PLA2G4A: variants seen among roughly 807,000 people sequenced by gnomAD.
The protein encoded by PLA2G4A is cytosolic phospholipase A2.
PLA2G4A carries 40 observed loss-of-function variants against 81.9 expected under a neutral mutation model. The ratio of observed to expected loss-of-function variants is 0.49; its 90% CI spans 0.38 to 0.64. PLA2G4A has a LOEUF of 0.64. PLA2G4A is among the 30% of genes least tolerant of loss of function. The pLI is 0.00. For missense variants in PLA2G4A, 715 were observed against 905.1 expected (o/e 0.79, Z 2.69); for synonymous variants, 302 against 296.9 (o/e 1.02, Z -0.18).
chr1:186,938,242 G>A lies in PLA2G4A; in HGVS notation c.696-766G>A, dbSNP rs555990617. Among the ~76,000 whole-genome samples, 10 of 152,074 alleles carry A rather than the reference G, an allele frequency of 6.6e-5. No individual in the cohort carries two copies. The East Asian group carries it at 1.9e-3, about 29-fold the overall frequency. Reference sequence around the variant, plus strand: ...TAAGTAAACGAGTAATTAATAGTCAGCATGAGATCTACCATACTAGAGGTA... The same window carrying A: ...TAAGTAAACGAGTAATTAATAGTCAACATGAGATCTACCATACTAGAGGTA... On this transcript the variant is annotated intron_variant, in intron 8 of 17. Transcript: ENST00000367466.
rs777440583 is a variant in PLA2G4A at position 186,870,517 on chromosome 1, G to A, written c.115+1G>A. The A allele has an allele frequency of 3.1e-6, 5 of 1,597,356 alleles. No individual in the cohort carries two copies. Among genetic ancestry groups the A allele is most frequent in the Admixed American group, 1.7e-5 (1 of 59,908 alleles). On this transcript the variant is annotated splice_donor_variant, in intron 3 of 17. Coordinates refer to ENST00000367466, the MANE Select transcript of PLA2G4A (RefSeq NM_024420.3). LOFTEE classifies it high-confidence loss of function. ...ACAAAGGGGGCCTTTGGTGACATGC[G>A]TAAGTGCCCTTTTTTTCTTTGCTGT... is the stretch of plus-strand genomic sequence containing the variant.
intron 3 of PLA2G4A, among the ~76,000 whole-genome samples, chr1:186,891,512 C>A (rs540977161): frequency 6.6e-6 from 1 of 152,042 alleles, no homozygotes; most frequent in East Asian, 1.9e-4. Context: ...ATGGGTTCAA[C>A]TGTTTTGATT....
At chr1:186,920,337 C>CA in intron 7 of PLA2G4A, among the ~76,000 whole-genome samples, 1 of 152,194 alleles carries the variant, frequency 6.6e-6, no homozygotes, top group East Asian at 1.9e-4. Context: ...CATGTCCCCC[C>CA]ACCGAGCAGG....
chr1:186,925,804 A>G (rs946900239), intron 7 of PLA2G4A, among the ~76,000 whole-genome samples: 2 of 152,314 alleles, frequency 1.3e-5, no homozygotes, highest in Non-Finnish European at 2.9e-5. Context: ...TCTTGTAAAA[A>G]TATTTATTTG....
intron 1 of PLA2G4A, among the ~76,000 whole-genome samples, chr1:186,843,513 G>A (rs1471227469): frequency 2.0e-5 from 3 of 152,188 alleles, no homozygotes; most frequent in Admixed American, 2.0e-4. Context: ...CTTCCTTTGT[G>A]CTGCTCACAG....
At position 186,988,704 on chromosome 1, in the gene PLA2G4A, A is replaced by C. The variant is rs373596894; in HGVS notation, c.*196A>C. The C allele has an allele frequency of 9.5e-5, 46 of 483,294 alleles. No homozygotes were observed. Among genetic ancestry groups the C allele is most frequent in the African/African-American group, 7.4e-4 (38 of 51,246 alleles). 29.9% of individuals were successfully genotyped at this position (483,294 alleles called of 1,614,324 possible). On this transcript the variant is annotated 3_prime_UTR_variant, in exon 18 of 18. Coordinates refer to ENST00000367466, the MANE Select transcript of PLA2G4A (RefSeq NM_024420.3). ...GACAAATGATGTTGATTATGTAAGG[A>C]TATACTTAGCTACATTTTCAGTCAG...
At chr1:186,914,233 G>A (rs191632136) in intron 7 of PLA2G4A, among the ~76,000 whole-genome samples, 8 of 151,238 alleles carry the variant, frequency 5.3e-5, no homozygotes, top group Admixed American at 2.0e-4. Flanking sequence ...AGGACTATGC[G>A]TGCATGCCAC....
At chr1:186,974,886 C>T (rs1253908224) in intron 15 of PLA2G4A, among the ~76,000 whole-genome samples, 1 of 152,138 alleles carries the variant, frequency 6.6e-6, no homozygotes, top group Non-Finnish European at 1.5e-5. Flanking sequence ...TAATCTTTTC[C>T]ACATCAGGAT....
intron 17 of PLA2G4A, 53 bp from the exon 18 acceptor site, chr1:186,988,324 T>C (rs1052280845): frequency 1.4e-6 from 2 of 1,394,356 alleles, no homozygotes; most frequent in Non-Finnish European, 1.0e-6. Context: ...ATAAAAAATA[T>C]ATAAATGAGT....
chr1:186,837,736 C>CCAAAAA (rs1553267317), intron 1 of PLA2G4A, among the ~76,000 whole-genome samples: 1 of 55,232 alleles, frequency 1.8e-5, no homozygotes, highest in Non-Finnish European at 3.3e-5. Flanking sequence ...GACTCCGTCT[C>CCAAAAA]AAAAAAAAAA....
At chr1:186,861,446 G>C (rs1016104222) in intron 2 of PLA2G4A, among the ~76,000 whole-genome samples, 1 of 152,076 alleles carries the variant, frequency 6.6e-6, no homozygotes, top group Non-Finnish European at 1.5e-5. Context: ...GGTAGTTAAT[G>C]CTTTCCTATC....
intron 2 of PLA2G4A, among the ~76,000 whole-genome samples, chr1:186,858,369 A>G (rs376770456): frequency 1.3e-5 from 2 of 152,074 alleles, no homozygotes; most frequent in East Asian, 3.9e-4. Flanking sequence ...GATGATGAGC[A>G]TTTTTTCATG....
chr1:186,851,122 T>C (rs1652357836), intron 1 of PLA2G4A, among the ~76,000 whole-genome samples: 1 of 152,040 alleles, frequency 6.6e-6, no homozygotes, highest in South Asian at 2.1e-4. Context: ...TTAAGGTCTT[T>C]CTAGATCCCA....
intron 15 of PLA2G4A, among the ~76,000 whole-genome samples, chr1:186,974,000 CA>C (rs1345928852): frequency 1.3e-5 from 2 of 151,764 alleles, no homozygotes; most frequent in African/African-American, 4.8e-5. Context: ...TGCATAGAGA[CA>C]AAAGAAATCT....
intron 12 of PLA2G4A, 22 bp from the exon 13 acceptor site, chr1:186,950,632 CAAT>C (rs1656522876): frequency 9.6e-6 from 13 of 1,347,788 alleles, no homozygotes; most frequent in Non-Finnish European, 1.4e-5. Flanking sequence ...TGAAATGCTT[CAAT>C]TTTTTTGTTT....
rs976527876 is a variant in PLA2G4A at position 186,906,857 on chromosome 1, T to A, written c.379-108T>A. On this transcript the variant is annotated intron_variant, in intron 5 of 17. Coordinates refer to ENST00000367466, the MANE Select transcript of PLA2G4A (RefSeq NM_024420.3). ...TTACTTTTATTTTTAGGGTTTTGTT[T>A]TTTTGATTAAAAATAATCTGGCACT... is the stretch of plus-strand genomic sequence containing the variant. The A allele has an allele frequency of 3.0e-5, 20 of 661,958 alleles. No individual in the cohort carries two copies. The African/African-American group carries it at 3.6e-4, about 12-fold the overall frequency. The allele number at this position is 661,958 out of a possible 1,614,324, so 41.0% of individuals were successfully genotyped here.
chr1:186,876,877 C>G (rs1051518782), intron 3 of PLA2G4A, among the ~76,000 whole-genome samples: 7 of 152,084 alleles, frequency 4.6e-5, no homozygotes, highest in Non-Finnish European at 8.8e-5. Context: ...TCAGCTTTAT[C>G]TCTCCAATGT....
At chr1:186,897,540 G>A (rs905122426) in intron 5 of PLA2G4A, among the ~76,000 whole-genome samples, 41 of 151,606 alleles carry the variant, frequency 2.7e-4, no homozygotes, top group Non-Finnish European at 4.6e-4. Flanking sequence ...ACAGGGTCTC[G>A]CTCTGTTGCC....
intron 6 of PLA2G4A, among the ~76,000 whole-genome samples, chr1:186,909,385 G>A (rs1654859246): frequency 1.3e-5 from 2 of 150,954 alleles, no homozygotes; most frequent in Non-Finnish European, 3.0e-5. Flanking sequence ...ATTTGGCTGG[G>A]CGTGGTGGCT....
Sources: gnomAD v4.1 joint callset for allele counts (sites outside exome capture counted in the v4.1 genomes callset) on GRCh38, gnomAD v4.1.1 for gene constraint, MANE v1.5 for transcripts, NCBI Gene and HGNC (gene_info 2026-07-23, HGNC 2026-07-21) for gene names.